MARCHF4: variants seen among roughly 807,000 people sequenced by gnomAD.
The protein encoded by MARCHF4 is membrane associated ring-CH-type finger 4.
In MARCHF4, 14 loss-of-function variants were observed where a neutral mutation model predicts 43.9. The observed-to-expected ratio is 0.32, with a 90% CI of 0.21 to 0.50. MARCHF4 has a LOEUF of 0.50. Ranked by LOEUF, MARCHF4 falls within the 20% of genes least tolerant of loss-of-function variation. MARCHF4 has a pLI of 0.98. For missense variants in MARCHF4, 468 were observed against 536.7 expected (o/e 0.87, Z 1.27); for synonymous variants, 226 against 213.3 (o/e 1.06, Z -0.52).
chr2:216,340,784 G>A (rs1692224249), intron 1 of MARCHF4, among the ~76,000 whole-genome samples: 1 of 152,208 alleles, frequency 6.6e-6, no homozygotes, highest in African/African-American at 2.4e-5. Flanking sequence ...GACAAGGGAA[G>A]TATAGTATAT....
intron 3 of MARCHF4, among the ~76,000 whole-genome samples, chr2:216,269,437 C>T (rs1294840520): frequency 6.6e-6 from 1 of 152,126 alleles, no homozygotes; most frequent in African/African-American, 2.4e-5. Context: ...CAGATCTTCT[C>T]ATTGAGGGGA....
chr2:216,358,200 C>A (rs1288708943), intron 1 of MARCHF4, among the ~76,000 whole-genome samples: 1 of 152,142 alleles, frequency 6.6e-6, no homozygotes, highest in East Asian at 1.9e-4. Flanking sequence ...GATTCTGAGT[C>A]TATAAGTGAC....
chr2:216,296,892 C>G (rs1218261305), intron 1 of MARCHF4, among the ~76,000 whole-genome samples: 1 of 152,150 alleles, frequency 6.6e-6, no homozygotes, highest in Admixed American at 6.5e-5. Flanking sequence ...AAGACCAAAC[C>G]CTACTCTGGG....
chr2:216,363,327 T>G lies in MARCHF4; in HGVS notation c.516+6418A>C, dbSNP rs372964787. 2.5e-4 allele frequency among the ~76,000 whole-genome samples: 38 copies of G among 152,272 alleles called. No individual in the cohort carries two copies. The South Asian group carries it at 7.5e-3, about 30-fold the overall frequency. ...ACAAACAATTGATTAGAGAACTGCT[T>G]CACAACTGTCAAAACACAGGCATCT... On this transcript the variant is annotated intron_variant, in intron 1 of 3. Transcript: ENST00000273067.
chr2:216,334,483 C>A (rs1328055130), intron 1 of MARCHF4, among the ~76,000 whole-genome samples: 1 of 152,080 alleles, frequency 6.6e-6, no homozygotes, highest in Non-Finnish European at 1.5e-5. Context: ...TCACTGTAGC[C>A]TCCAACTCCT....
chr2:216,319,131 A>C (rs1004725041), intron 1 of MARCHF4, among the ~76,000 whole-genome samples: 2 of 152,108 alleles, frequency 1.3e-5, no homozygotes. Flanking sequence ...AACACGGTGA[A>C]ACCCTGTTTC....
At chr2:216,275,506 G>A (rs1007115883) in intron 3 of MARCHF4, among the ~76,000 whole-genome samples, 49 of 152,296 alleles carry the variant, frequency 3.2e-4, no homozygotes, top group African/African-American at 1.1e-3. Context: ...ATGAGCACTG[G>A]GTTGTGAGTC....
intron 1 of MARCHF4, among the ~76,000 whole-genome samples, chr2:216,291,839 A>T (rs1691311588): frequency 1.3e-5 from 2 of 152,230 alleles, no homozygotes; most frequent in African/African-American, 4.8e-5. Flanking sequence ...CCTTCACTTT[A>T]TAGATGAAGA....
chr2:216,302,946 A>G (rs1301475809), intron 1 of MARCHF4, among the ~76,000 whole-genome samples: 2 of 151,702 alleles, frequency 1.3e-5, no homozygotes, highest in Non-Finnish European at 2.9e-5. Flanking sequence ...TTGTAATTAT[A>G]AAGATGTATT....
intron 1 of MARCHF4, among the ~76,000 whole-genome samples, chr2:216,357,471 C>A (rs1351446791): frequency 6.6e-6 from 1 of 152,174 alleles, no homozygotes; most frequent in African/African-American, 2.4e-5. Context: ...CAGGCTTGTA[C>A]CACCATGCTT....
intron 1 of MARCHF4, among the ~76,000 whole-genome samples, chr2:216,289,233 A>ACCCCCC (rs199838607): frequency 2.9e-5 from 3 of 102,602 alleles, no homozygotes; most frequent in Non-Finnish European, 3.9e-5. Context: ...TTTCTTCCCC[A>ACCCCCC]CCCGCCCCCC....
intron 3 of MARCHF4, among the ~76,000 whole-genome samples, chr2:216,267,572 C>A (rs952911950): frequency 6.6e-6 from 1 of 152,148 alleles, no homozygotes; most frequent in Non-Finnish European, 1.5e-5. Flanking sequence ...CACATAGGGG[C>A]TTATTTTTTT....
At position 216,258,053 on chromosome 2, in the gene MARCHF4, C is replaced by T. The variant is rs1215230031; in HGVS notation, c.*1259G>A. ...GTGAACACCCAGTGGCCTTCCCTGG[C>T]AGGGTCCCCAGAGCGAGCAGGAGGG... On this transcript the variant is annotated 3_prime_UTR_variant, in exon 4 of 4. Transcript: ENST00000273067. The T allele has an allele frequency of 6.6e-6, 1 of 152,208 alleles. No individual in the cohort carries two copies. Among genetic ancestry groups the T allele is most frequent in the Non-Finnish European group, 1.5e-5 (1 of 68,088 alleles). The allele number at this position is 152,208 out of a possible 1,614,324, so 9.4% of individuals were successfully genotyped here. A position where few individuals can be genotyped will look rare whatever the true frequency, so the allele number is the denominator to read the frequency against.
intron 1 of MARCHF4, among the ~76,000 whole-genome samples, chr2:216,350,463 T>C (rs748142042): frequency 1.3e-5 from 2 of 151,060 alleles, no homozygotes; most frequent in Non-Finnish European, 2.9e-5. Context: ...ACTACCTTGC[T>C]TACCCACACC....
intron 1 of MARCHF4, among the ~76,000 whole-genome samples, chr2:216,351,971 G>T (rs897096646): frequency 1.3e-5 from 2 of 152,214 alleles, no homozygotes; most frequent in Non-Finnish European, 1.5e-5. Flanking sequence ...AGAATAATGG[G>T]AAGGACTAGA....
chr2:216,275,711 G>A (rs765712948), intron 3 of MARCHF4, among the ~76,000 whole-genome samples: 6 of 152,146 alleles, frequency 3.9e-5, no homozygotes, highest in Non-Finnish European at 5.9e-5. Flanking sequence ...TCTTTTGTCC[G>A]TGCTCCCTCC....
chr2:216,277,978 G>A, intron 2 of MARCHF4, 114 bp from the exon 3 acceptor site: 3 of 980,420 alleles, frequency 3.1e-6, no homozygotes, highest in South Asian at 2.0e-5. Flanking sequence ...TTAAGCCAGG[G>A]CTTTCCAACC....
chr2:216,282,379 T>G (rs1691143167), intron 2 of MARCHF4, among the ~76,000 whole-genome samples: 1 of 152,018 alleles, frequency 6.6e-6, no homozygotes, highest in Admixed American at 6.6e-5. Flanking sequence ...ACACCATAGC[T>G]GTGGGTGCTT....
chr2:216,288,974 C>T (rs1179480301), intron 1 of MARCHF4, among the ~76,000 whole-genome samples: 1 of 151,168 alleles, frequency 6.6e-6, no homozygotes, highest in Non-Finnish European at 1.5e-5. Context: ...TTTAGACCCT[C>T]ATCAGCCTCC....
Sources: allele counts gnomAD v4.1 joint callset (sites outside exome capture counted in the v4.1 genomes callset), GRCh38; gene constraint gnomAD v4.1.1; transcripts MANE v1.5; gene names NCBI Gene and HGNC (gene_info 2026-07-23, HGNC 2026-07-21).